The following TMTC2 variants were observed in gnomAD, a reference collection of about 807,000 sequenced individuals.
TMTC2 encodes protein O-mannosyl-transferase TMTC2.
A neutral mutation model predicts 82.4 loss-of-function variants in TMTC2; 43 were observed. The ratio of observed to expected loss-of-function variants is 0.52; its 90% CI spans 0.41 to 0.67. The LOEUF (loss-of-function observed/expected upper bound fraction) is 0.67. Ranked by LOEUF, TMTC2 falls within the 30% of genes least tolerant of loss-of-function variation. TMTC2 has a pLI of 0.00. For synonymous variants in TMTC2, 408 were observed against 381.9 expected, an observed-to-expected ratio of 1.07 and a Z score of -0.80; for missense variants, 919 against 1,012.4, an observed-to-expected ratio of 0.91 and a Z score of 1.25.
intron 11 of TMTC2, among the ~76,000 whole-genome samples, chr12:83,113,111 C>G (rs1324319973): frequency 6.6e-6 from 1 of 152,092 alleles, no homozygotes; most frequent in Non-Finnish European, 1.5e-5. Flanking sequence ...TGATTGGGCT[C>G]TAGGTCTGTG....
intron 9 of TMTC2, among the ~76,000 whole-genome samples, chr12:83,046,483 G>A (rs1264224608): frequency 6.6e-6 from 1 of 152,094 alleles, no homozygotes; most frequent in Non-Finnish European, 1.5e-5. Context: ...TAAAGCTAGA[G>A]ACTAATGAAA....
chr12:82,726,735 C>T (rs569135093), intron 1 of TMTC2, among the ~76,000 whole-genome samples: 4 of 151,700 alleles, frequency 2.6e-5, no homozygotes, highest in South Asian at 2.1e-4. Flanking sequence ...AAAAATTAGC[C>T]GGGCGTGTTG....
chr12:82,745,367 G>A (rs762400872), intron 1 of TMTC2, among the ~76,000 whole-genome samples: 1 of 152,176 alleles, frequency 6.6e-6, no homozygotes, highest in Non-Finnish European at 1.5e-5. Flanking sequence ...ACAAGATAAA[G>A]TTAAATTAGA....
At chr12:83,061,040 G>A (rs1200225934) in intron 10 of TMTC2, among the ~76,000 whole-genome samples, 1 of 151,748 alleles carries the variant, frequency 6.6e-6, no homozygotes, top group East Asian at 1.9e-4. Flanking sequence ...AGCCTCAGTG[G>A]CCCAGAAGTG....
intron 11 of TMTC2, among the ~76,000 whole-genome samples, chr12:83,106,666 G>A (rs1056442495): frequency 3.3e-5 from 5 of 152,148 alleles, no homozygotes; most frequent in African/African-American, 4.8e-5. Context: ...AAGAAAACTT[G>A]CCTATGAAGA....
At chr12:82,732,210 A>G (rs1874853106) in intron 1 of TMTC2, among the ~76,000 whole-genome samples, 1 of 152,220 alleles carries the variant, frequency 6.6e-6, no homozygotes, top group Admixed American at 6.5e-5. Flanking sequence ...TTGGAAGTTT[A>G]AAATTCTGTA....
At chr12:82,810,957 C>T (rs986907009) in intron 1 of TMTC2, among the ~76,000 whole-genome samples, 8 of 152,094 alleles carry the variant, frequency 5.3e-5, no homozygotes, top group Non-Finnish European at 2.9e-5. Flanking sequence ...TGGCCAGGAG[C>T]GGTGGCTCAC....
chr12:83,082,086 A>C (rs907670573), intron 11 of TMTC2, among the ~76,000 whole-genome samples: 28 of 152,366 alleles, frequency 1.8e-4, no homozygotes, highest in African/African-American at 6.7e-4. Context: ...TTTAGCCCTT[A>C]ATATTAATTT....
At position 82,802,277 on chromosome 12, in the gene TMTC2, C is replaced by T. The variant is rs148545693; in HGVS notation, c.84-54733C>T. On this transcript the variant is annotated intron_variant, in intron 1 of 11. Coordinates refer to ENST00000321196, the MANE Select transcript of TMTC2 (RefSeq NM_152588.3). ...CCCGCCGGCAGCTCTGAGTGCAGGC[C>T]GCTGAGCCCACGCCCACCCGTGCGC... 2.1e-3 allele frequency among the ~76,000 whole-genome samples: 321 copies of T among 152,318 alleles called. 2 individuals carry two copies. The highest frequency in any genetic ancestry group is 0.012 in the South Asian group (56 of 4,832).
chr12:83,086,097 C>G (rs1411847418), intron 11 of TMTC2, among the ~76,000 whole-genome samples: 1 of 151,508 alleles, frequency 6.6e-6, no homozygotes. Context: ...GTAAACTTTA[C>G]TGTTGAAAAT....
At chr12:82,801,749 A>C (rs1015477501) in intron 1 of TMTC2, among the ~76,000 whole-genome samples, 3 of 152,214 alleles carry the variant, frequency 2.0e-5, no homozygotes, top group African/African-American at 7.2e-5. Flanking sequence ...GTGTATTCAC[A>C]ATCCCTTAGC....
At chr12:82,803,918 A>T (rs1212868880) in intron 1 of TMTC2, among the ~76,000 whole-genome samples, 1 of 151,956 alleles carries the variant, frequency 6.6e-6, no homozygotes, top group African/African-American at 2.4e-5. Flanking sequence ...CTACTCTGAA[A>T]CTTGCCTCGG....
In TMTC2 at chr12:82,967,004, A is replaced by T; in HGVS notation, c.1948+7A>T. 1 of 1,608,348 alleles carries T rather than the reference A, an allele frequency of 6.2e-7. No individual in the cohort carries two copies. Among genetic ancestry groups the T allele is most frequent in the Non-Finnish European group, 8.5e-7 (1 of 1,176,196 alleles). On this transcript the variant is annotated splice_region_variant and intron_variant, in intron 7 of 11. Coordinates refer to ENST00000321196, the MANE Select transcript of TMTC2 (RefSeq NM_152588.3). ...AGCTTGTACAACATGATGGGTAAGT[A>T]AAACATTAACACTTTTAAATTGATA...
At chr12:83,115,646 TA>T (rs1854285724) in intron 11 of TMTC2, among the ~76,000 whole-genome samples, 3 of 83,226 alleles carry the variant, frequency 3.6e-5, no homozygotes, top group African/African-American at 7.3e-5. Context: ...TTTTTTTTAT[TA>T]TTTTTTTTTT....
intron 3 of TMTC2, among the ~76,000 whole-genome samples, chr12:82,903,222 AC>A (rs1874112067): frequency 6.6e-6 from 1 of 152,184 alleles, no homozygotes; most frequent in Admixed American, 6.5e-5. Flanking sequence ...GCTATAAATT[AC>A]AGCCACCCCT....
intron 1 of TMTC2, among the ~76,000 whole-genome samples, chr12:82,712,226 T>A (rs1207035911): frequency 1.3e-5 from 2 of 152,076 alleles, no homozygotes; most frequent in Non-Finnish European, 2.9e-5. Flanking sequence ...GGCCAGGAGT[T>A]CGAGACCAGC....
At chr12:82,873,241 G>GTGTGTGTA (rs1555193154) in intron 2 of TMTC2, among the ~76,000 whole-genome samples, 1 of 151,814 alleles carries the variant, frequency 6.6e-6, no homozygotes, top group Admixed American at 6.6e-5. Context: ...GTGTGTGTGT[G>GTGTGTGTA]TGTGTGTGTA....
intron 1 of TMTC2, among the ~76,000 whole-genome samples, chr12:82,746,042 T>C (rs1489045702): frequency 6.6e-6 from 1 of 152,212 alleles, no homozygotes; most frequent in Non-Finnish European, 1.5e-5. Context: ...GAGAGAGCAT[T>C]GTTTGCCTTA....
intron 4 of TMTC2, among the ~76,000 whole-genome samples, chr12:82,933,370 TCTA>T (rs1482036812): frequency 6.6e-6 from 1 of 152,194 alleles, no homozygotes. Flanking sequence ...GAACATTTTT[TCTA>T]CTTATTTGCA....
Sources: allele counts gnomAD v4.1 joint callset (sites outside exome capture counted in the v4.1 genomes callset), GRCh38; gene constraint gnomAD v4.1.1; transcripts MANE v1.5; gene names NCBI Gene and HGNC (gene_info 2026-07-23, HGNC 2026-07-21).